The following ZNF264 variants were observed in gnomAD, a reference collection of about 807,000 sequenced individuals.
ZNF264 encodes zinc finger protein 264.
Under a neutral mutation model 11.2 loss-of-function variants are expected in ZNF264, and 11 were observed. The observed-to-expected ratio is 0.98, with a 90% CI of 0.62 to 1.63. The LOEUF (loss-of-function observed/expected upper bound fraction) is 1.63. Ranked by LOEUF, ZNF264 falls within the 40% of genes most tolerant of loss-of-function variation. The pLI, the probability that ZNF264 is intolerant of heterozygous loss-of-function variation, is 0.00. For synonymous variants in ZNF264, 309 were observed against 279.8 expected, an observed-to-expected ratio of 1.10 and a Z score of -1.04; for missense variants, 752 against 768.1, an observed-to-expected ratio of 0.98 and a Z score of 0.25.
At chr19:57,207,475 A>G (rs1599952199) in intron 3 of ZNF264, among the ~76,000 whole-genome samples, 1 of 148,506 alleles carries the variant, frequency 6.7e-6, no homozygotes, top group African/African-American at 2.5e-5. Context: ...TCCTTTCTTC[A>G]TTTATATTCT....
rs1356586682 is a variant in ZNF264 at position 57,214,440 on chromosome 19, C to G, written c.*1459C>G. The G allele has an allele frequency of 6.6e-6, 1 of 152,232 alleles. No individual in the cohort carries two copies. Among genetic ancestry groups the G allele is most frequent in the African/African-American group, 2.4e-5 (1 of 41,418 alleles). 9.4% of individuals were successfully genotyped at this position (152,232 alleles called of 1,614,324 possible). The stretch of plus-strand genomic sequence containing the variant: ...CTCACCATAGCCTTAAGTTCCTGGG[C>G]TCAAGTGATCCCCCCACCTCAGCCC... On this transcript the variant is annotated 3_prime_UTR_variant, in exon 4 of 4. Coordinates refer to ENST00000263095, the MANE Select transcript of ZNF264 (RefSeq NM_003417.5).
At chr19:57,207,926 A>G (rs903048455) in intron 3 of ZNF264, among the ~76,000 whole-genome samples, 1 of 152,042 alleles carries the variant, frequency 6.6e-6, no homozygotes, top group African/African-American at 2.4e-5. Flanking sequence ...GGGTTTCACC[A>G]TGTTGGCCAG....
At position 57,207,501 on chromosome 19, in the gene ZNF264, C is replaced by T. The variant is rs557336182; in HGVS notation, c.256+2009C>T. ...TTTATATTCTGCTTGTTTTGTGATTCTCTACTCAACCTAAAAATATGCTTG... is the reference window on the plus strand; with the variant it reads ...TTTATATTCTGCTTGTTTTGTGATTTTCTACTCAACCTAAAAATATGCTTG... On this transcript the variant is annotated intron_variant, in intron 3 of 3. Transcript: ENST00000263095. Among the ~76,000 whole-genome samples the T allele has an allele frequency of 4.7e-5, 7 of 148,768 alleles. No homozygotes were observed. The South Asian group carries it at 1.3e-3, about 27-fold the overall frequency.
In ZNF264 at chr19:57,213,184, AG is replaced by A; in HGVS notation, c.*207del. ...CTCAGGAATTATTTTTAAAAGGAGG[AG>A]GGGACATAGAAAAAATGAAATGCAA... On this transcript the variant is annotated 3_prime_UTR_variant, in exon 4 of 4. Transcript: ENST00000263095. 2.1e-6 allele frequency: 1 copy of A among 481,712 alleles called. No homozygotes were observed. Among genetic ancestry groups the A allele is most frequent in the Non-Finnish European group, 3.6e-6 (1 of 281,184 alleles). 29.8% of individuals were successfully genotyped at this position (481,712 alleles called of 1,614,324 possible). A position where few individuals can be genotyped will look rare whatever the true frequency, so the allele number is the denominator to read the frequency against.
chr19:57,212,792 T>C lies in ZNF264; in HGVS notation c.1695T>C (p.Asn565=), dbSNP rs147074472. The change falls in exon 4 of 4, where the codon AAT becomes AAC. Residue 565 remains asparagine (N), a synonymous_variant. Coordinates refer to ENST00000263095, the MANE Select transcript of ZNF264 (RefSeq NM_003417.5). ...ATCAAAGGATGCATACTGGGAAAAA[T>C]CCCATCAGTGTAACAGATGTGGGAA... is the stretch of plus-strand genomic sequence containing the variant. ...TQHQRMHTGK[N]PISVTDVGRP... 6.2e-7 allele frequency: 1 copy of C among 1,613,848 alleles called. No homozygotes were observed. Among genetic ancestry groups the C allele is most frequent in the African/African-American group, 1.3e-5 (1 of 74,888 alleles).
chr19:57,193,911 AC>A lies in ZNF264; in HGVS notation c.72del (p.Lys25ArgfsTer9). The A allele has an allele frequency of 3.7e-6, 6 of 1,613,924 alleles. No homozygotes were observed. Among genetic ancestry groups the A allele is most frequent in the Non-Finnish European group, 5.1e-6 (6 of 1,179,952 alleles). On this transcript the variant is annotated frameshift_variant, in exon 2 of 4. Coordinates refer to ENST00000263095, the MANE Select transcript of ZNF264 (RefSeq NM_003417.5). LOFTEE classifies it high-confidence loss of function. ...CTTTGATGATGTGGCTGTGACTTTC[AC>A]CAAGGAGGAGTGGGGGCAGCTGGAC... ...VTFDDVAVTF[T>X]KEEWGQLDLA...
At chr19:57,200,833 A>G (rs1475598047) in intron 2 of ZNF264, among the ~76,000 whole-genome samples, 1 of 151,810 alleles carries the variant, frequency 6.6e-6, no homozygotes, top group Non-Finnish European at 1.5e-5. Context: ...GCTCGCCTCG[A>G]ACTCCTGAGC....
intron 2 of ZNF264, among the ~76,000 whole-genome samples, chr19:57,204,720 G>A (rs1047232605): frequency 9.9e-5 from 15 of 152,266 alleles, no homozygotes; most frequent in South Asian, 4.1e-4. Flanking sequence ...ACAGCACCTG[G>A]GAGACCACGC....
At chr19:57,192,030 C>A in intron 1 of ZNF264, 84 bp downstream of exon 1, 2 of 1,277,854 alleles carry the variant, frequency 1.6e-6, no homozygotes, top group Non-Finnish European at 2.1e-6. Context: ...CAGGTATCCC[C>A]TGGATTTGTC....
At position 57,191,895 on chromosome 19, in the gene ZNF264, C is replaced by G; in HGVS notation, c.-19C>G. ...CCGGGGCTCCTCTGTCCCAGCTCTG[C>G]GGCCCAGGGGGTGACGTGATGGCGG... On this transcript the variant is annotated 5_prime_UTR_variant, in exon 1 of 4. Coordinates refer to ENST00000263095, the MANE Select transcript of ZNF264 (RefSeq NM_003417.5). 1 of 1,452,816 alleles carries G rather than the reference C, an allele frequency of 6.9e-7. No individual in the cohort carries two copies. The highest frequency in any genetic ancestry group is 9.1e-7 in the Non-Finnish European group (1 of 1,099,220). The allele number at this position is 1,452,816 out of a possible 1,614,324, so 90.0% of individuals were successfully genotyped here. A position where few individuals can be genotyped will look rare whatever the true frequency, so the allele number is the denominator to read the frequency against.
chr19:57,194,004 A>G lies in ZNF264; in HGVS notation c.160+3A>G. On this transcript the variant is annotated splice_donor_region_variant and intron_variant, in intron 2 of 3. Transcript: ENST00000263095. ...CTGTGGGCTCCTGGTGTCTCTGGGTAAGGCCTTCCTTCCCCCTCCACCATG... is the reference window on the plus strand; with the variant it reads ...CTGTGGGCTCCTGGTGTCTCTGGGTGAGGCCTTCCTTCCCCCTCCACCATG... 1 of 1,604,752 alleles carries G rather than the reference A, an allele frequency of 6.2e-7. No homozygotes were observed. Among genetic ancestry groups the G allele is most frequent in the Non-Finnish European group, 8.5e-7 (1 of 1,174,958 alleles).
chr19:57,200,556 G>GTCTCTTGTGTCTTGTGTCTTGTCT (rs1310165649), intron 2 of ZNF264, among the ~76,000 whole-genome samples: 1 of 147,434 alleles, frequency 6.8e-6, no homozygotes, highest in East Asian at 2.0e-4. Context: ...CTTGTGTCTT[G>GTCTCTTGTGTCTTGTGTCTTGTCT]TGTCTTGTCT....
intron 2 of ZNF264, among the ~76,000 whole-genome samples, chr19:57,204,666 C>T (rs1332760859): frequency 1.3e-5 from 2 of 152,106 alleles, no homozygotes; most frequent in East Asian, 1.9e-4. Context: ...TTATTAGCAG[C>T]GTGAGAACAG....
At chr19:57,195,823 C>T (rs752160432) in intron 2 of ZNF264, among the ~76,000 whole-genome samples, 13 of 151,760 alleles carry the variant, frequency 8.6e-5, no homozygotes, top group Admixed American at 2.6e-4. Flanking sequence ...TTAATGGAAT[C>T]GTTGTGTCTC....
intron 2 of ZNF264, among the ~76,000 whole-genome samples, chr19:57,201,232 T>C (rs762255743): frequency 1.3e-5 from 2 of 149,490 alleles, no homozygotes; most frequent in Non-Finnish European, 2.9e-5. Flanking sequence ...TTTTCTTTTT[T>C]TCGTTATTTC....
At chr19:57,208,194 G>T (rs1248996514) in intron 3 of ZNF264, among the ~76,000 whole-genome samples, 1 of 152,208 alleles carries the variant, frequency 6.6e-6, no homozygotes, top group Non-Finnish European at 1.5e-5. Context: ...ACAAATGCTT[G>T]TGGCTCATGA....
intron 2 of ZNF264, among the ~76,000 whole-genome samples, chr19:57,198,013 G>C (rs894961276): frequency 1.3e-5 from 2 of 152,014 alleles, no homozygotes; most frequent in Non-Finnish European, 2.9e-5. Flanking sequence ...AGGTCTCTCT[G>C]AATAAGATTA....
chr19:57,192,007 G>A (rs2122728640), intron 1 of ZNF264, 61 bp downstream of exon 1: 2 of 1,428,248 alleles, frequency 1.4e-6, no homozygotes, highest in Non-Finnish European at 1.9e-6. Flanking sequence ...GGTTTCCGAA[G>A]TGGGTGGGAG....
intron 2 of ZNF264, among the ~76,000 whole-genome samples, chr19:57,204,337 TA>T (rs1039865754): frequency 6.6e-6 from 1 of 152,000 alleles, no homozygotes; most frequent in African/African-American, 2.4e-5. Context: ...GTTACTGGGG[TA>T]AAGGGTTATT....
Sources: allele counts gnomAD v4.1 joint callset (sites outside exome capture counted in the v4.1 genomes callset), GRCh38; gene constraint gnomAD v4.1.1; transcripts MANE v1.5; gene names NCBI Gene and HGNC (gene_info 2026-07-23, HGNC 2026-07-21).